The following SDF2 variants were observed in gnomAD, a reference collection of about 807,000 sequenced individuals.
SDF2 encodes the protein stromal cell-derived factor 2.
SDF2 carries 12 observed loss-of-function variants against 20.5 expected under a neutral mutation model. The ratio of observed to expected loss-of-function variants is 0.58; its 90% CI spans 0.37 to 0.95. SDF2 has a LOEUF of 0.95. Among genes scored for constraint, SDF2 ranks in the 40% least tolerant of loss-of-function variants. The pLI is 0.01. For synonymous variants in SDF2, 100 were observed against 101.0 expected, an observed-to-expected ratio of 0.99 and a Z score of 0.06; for missense variants, 238 against 263.1, an observed-to-expected ratio of 0.90 and a Z score of 0.66.
intron 2 of SDF2, 75 bp downstream of exon 2, chr17:28,655,212 T>C (rs2151582664): frequency 2.2e-6 from 3 of 1,394,548 alleles, no homozygotes; most frequent in East Asian, 2.3e-5. Flanking sequence ...AAAAGAAACA[T>C]TTAAGAACCA....
chr17:28,654,781 C>T (rs1046029798), intron 2 of SDF2, among the ~76,000 whole-genome samples: 1 of 151,348 alleles, frequency 6.6e-6, no homozygotes, highest in African/African-American at 2.4e-5. Flanking sequence ...GAAACCCCAT[C>T]TCTACTAAAA....
chr17:28,657,983 T>C (rs1235367229), intron 1 of SDF2: 4 of 152,214 alleles, frequency 2.6e-5, no homozygotes, highest in Non-Finnish European at 5.9e-5. Context: ...TCACTGCCAG[T>C]TACACGGGTA....
At chr17:28,651,208 T>TGC (rs1567675903) in intron 2 of SDF2, among the ~76,000 whole-genome samples, 10 of 152,334 alleles carry the variant, frequency 6.6e-5, no homozygotes, top group Admixed American at 3.9e-4. Context: ...ATTACAGGCA[T>TGC]GTGCTACCAC....
At chr17:28,662,081 C>G (rs933089785), upstream of SDF2, 1 of 510,960 alleles carries the variant, frequency 2.0e-6, no homozygotes, top group African/African-American at 1.9e-5. Flanking sequence ...TCAGTGACAG[C>G]TGCCTTCCTG....
intron 2 of SDF2, among the ~76,000 whole-genome samples, chr17:28,654,852 C>T (rs745838465): frequency 5.9e-5 from 9 of 151,656 alleles, no homozygotes; most frequent in African/African-American, 1.7e-4. Flanking sequence ...GCCACTCGGG[C>T]AGCTGAGGTG....
At chr17:28,661,944 T>A, upstream of SDF2, 1 of 1,544,142 alleles carries the variant, frequency 6.5e-7, no homozygotes, top group South Asian at 1.1e-5. Context: ...CGGAAGCTAA[T>A]GGCGAAACCA....
intron 1 of SDF2, chr17:28,656,410 A>T (rs2071963134): frequency 6.6e-6 from 1 of 151,994 alleles, no homozygotes; most frequent in African/African-American, 2.4e-5. Flanking sequence ...CAACATGGCA[A>T]AAACCCATCT....
At chr17:28,661,203 G>A (rs907065931) in intron 1 of SDF2, 9 of 454,394 alleles carry the variant, frequency 2.0e-5, no homozygotes, top group African/African-American at 1.0e-4. Context: ...TGAGGAGCAA[G>A]TGTAAGATGC....
intron 1 of SDF2, among the ~76,000 whole-genome samples, chr17:28,656,936 C>T (rs2071968562): frequency 2.0e-5 from 3 of 152,056 alleles, no homozygotes; most frequent in African/African-American, 7.2e-5. Flanking sequence ...TTATTATAAA[C>T]GTATTATTTA....
intron 2 of SDF2, among the ~76,000 whole-genome samples, chr17:28,649,519 G>A (rs892748459): frequency 6.6e-6 from 1 of 151,974 alleles, no homozygotes; most frequent in African/African-American, 2.4e-5. Context: ...GAAATTAGCT[G>A]AGGTCAGGAG....
rs115506923 is a variant in SDF2, at chr17:28,654,187, G to A, written c.348+1100C>T. 6.4e-3 allele frequency among the ~76,000 whole-genome samples: 969 copies of A among 152,164 alleles called. 10 individuals carry two copies. Among genetic ancestry groups the A allele is most frequent in the African/African-American group, 0.022 (911 of 41,508 alleles). Reference sequence around the variant, plus strand: ...AAATTAGCCAGGCATGGTGGCGTGAGCCTGTAGTGAGGGCTGAGGTGGGAG... The same window carrying A: ...AAATTAGCCAGGCATGGTGGCGTGAACCTGTAGTGAGGGCTGAGGTGGGAG... On this transcript the variant is annotated intron_variant, in intron 2 of 2. Coordinates refer to ENST00000247020, the MANE Select transcript of SDF2 (RefSeq NM_006923.4).
At position 28,661,618 on chromosome 17, in the gene SDF2, G is replaced by A. The variant is rs2072045069; in HGVS notation, c.151+108C>T. 9 of 1,252,570 alleles carry A rather than the reference G, an allele frequency of 7.2e-6. No individual in the cohort carries two copies. The Admixed American group carries it at 1.1e-4, about 15-fold the overall frequency. 77.6% of individuals were successfully genotyped at this position (1,252,570 alleles called of 1,614,324 possible). A position where few individuals can be genotyped will look rare whatever the true frequency, so the allele number is the denominator to read the frequency against. ...TCTCTAGACCTGAGGAACCTTCCCAGGGAACCCCTAACTTTCCCAGACCAC... is the reference window on the plus strand; with the variant it reads ...TCTCTAGACCTGAGGAACCTTCCCAAGGAACCCCTAACTTTCCCAGACCAC... On this transcript the variant is annotated intron_variant, in intron 1 of 2. Coordinates refer to ENST00000247020, the MANE Select transcript of SDF2 (RefSeq NM_006923.4).
At chr17:28,652,244 A>G (rs1475875601) in intron 2 of SDF2, among the ~76,000 whole-genome samples, 1 of 152,196 alleles carries the variant, frequency 6.6e-6, no homozygotes, top group Non-Finnish European at 1.5e-5. Flanking sequence ...ACAGATGGCT[A>G]TGCAAATAAA....
At chr17:28,659,089 CGA>C (rs2071995315) in intron 1 of SDF2, among the ~76,000 whole-genome samples, 6 of 129,866 alleles carry the variant, frequency 4.6e-5, no homozygotes, top group African/African-American at 6.0e-5. Flanking sequence ...AACTCCCAGA[CGA>C]AGGGCGGCCG....
intron 1 of SDF2, chr17:28,655,783 G>T: frequency 2.4e-6 from 1 of 419,482 alleles, no homozygotes; most frequent in East Asian, 4.3e-5. Context: ...TCAAGCTAGG[G>T]GTGGCCCTTT....
chr17:28,649,394 TATG>T, intron 2 of SDF2, 118 bp from the exon 3 acceptor site: 1 of 926,930 alleles, frequency 1.1e-6, no homozygotes. Flanking sequence ...GGGCCAGGCT[TATG>T]CCTGTAATCC....
intron 1 of SDF2, among the ~76,000 whole-genome samples, chr17:28,658,595 A>C (rs976076149): frequency 2.0e-5 from 3 of 152,236 alleles, no homozygotes; most frequent in African/African-American, 7.2e-5. Context: ...GATTAACAGC[A>C]TCCCAAAGCT....
In SDF2 at chr17:28,649,317, AG is replaced by A. The variant is rs567856286; in HGVS notation, c.349-42del. 62 of 1,593,182 alleles carry A rather than the reference AG, an allele frequency of 3.9e-5. 1 individual carries two copies. In the African/African-American group the frequency reaches 7.1e-4, roughly 18 times the overall value. On this transcript the variant is annotated intron_variant, in intron 2 of 2. Transcript: ENST00000247020. ...GGTAGTAACATCAGCATGGCTGACA[AG>A]GGCTTGAAAAGGGGTGGGAGGCAAT...
At chr17:28,658,924 TC>T (rs2071993012) in intron 1 of SDF2, among the ~76,000 whole-genome samples, 1 of 139,352 alleles carries the variant, frequency 7.2e-6, no homozygotes, top group Non-Finnish European at 1.5e-5. Flanking sequence ...GCAGAGGAGC[TC>T]CTCACTTAAC....
Sources: allele counts gnomAD v4.1 joint callset (sites outside exome capture counted in the v4.1 genomes callset), GRCh38; gene constraint gnomAD v4.1.1; transcripts MANE v1.5; gene names NCBI Gene and HGNC (gene_info 2026-07-23, HGNC 2026-07-21).